PC: variants seen among roughly 807,000 people sequenced by gnomAD.
The protein encoded by PC is pyruvate carboxylase, mitochondrial.
A neutral mutation model predicts 107.8 loss-of-function variants in PC; 46 were observed. The observed-to-expected ratio is 0.43, with a 90% CI of 0.34 to 0.55. The LOEUF (loss-of-function observed/expected upper bound fraction) is 0.55, where lower values mean the gene tolerates loss of function less well. Ranked by LOEUF, PC falls within the 20% of genes least tolerant of loss-of-function variation. The probability of loss-of-function intolerance (pLI) is 0.04; values close to 1 mark genes in which losing one functional copy is unlikely to be tolerated. For missense variants in PC, 1,241 were observed against 1,643.1 expected (o/e 0.76, Z 4.23); for synonymous variants, 662 against 684.7 (o/e 0.97, Z 0.52).
At chr11:66,900,305 G>C (rs1036111522) in intron 3 of PC, among the ~76,000 whole-genome samples, 2 of 148,630 alleles carry the variant, frequency 1.3e-5, no homozygotes, top group African/African-American at 5.0e-5. Flanking sequence ...CTCCCAACTA[G>C]CTGGGACTAC....
chr11:66,897,427 C>T (rs1450886746), intron 3 of PC, among the ~76,000 whole-genome samples: 4 of 152,104 alleles, frequency 2.6e-5, no homozygotes, highest in Admixed American at 6.5e-5. Flanking sequence ...AATAAATTAT[C>T]TGGATGTGGT....
rs746446085 is a variant in PC, at chr11:66,858,679, T to C, written c.1368+5095A>G. On this transcript the variant is annotated intron_variant, in intron 12 of 22. Coordinates refer to ENST00000393960, the MANE Select transcript of PC (RefSeq NM_001040716.2). This position sits in a 1 kb window ranked among gnomAD's most constrained non-coding sequence, Gnocchi z 5.9. ...GCCCTGGGTGACCCCGCGCCTACCA[T>C]GCACTGGGTCGGTCCTGACGACCGG... The C allele has an allele frequency of 2.0e-5, 31 of 1,546,246 alleles. No individual in the cohort carries two copies. In the South Asian group the frequency reaches 3.4e-4, roughly 17 times the overall value.
intron 3 of PC, among the ~76,000 whole-genome samples, chr11:66,936,512 T>C (rs1266416021): frequency 1.3e-5 from 2 of 152,168 alleles, no homozygotes; most frequent in Non-Finnish European, 2.9e-5. Context: ...AAATTCCCCT[T>C]TGTGAGCAAA....
In PC at chr11:66,920,948, G is replaced by T. The variant is rs1365502675; in HGVS notation, c.-1+31482C>A. Among the ~76,000 whole-genome samples the T allele has an allele frequency of 2.0e-5, 3 of 151,756 alleles. No individual in the cohort carries two copies. The East Asian group carries it at 5.8e-4, about 29-fold the overall frequency. ...AGCCACTCAGGAGGCTGAGACAGGA[G>T]AATTGCTTAAACCCAGGAGGCAGAG... On this transcript the variant is annotated intron_variant, in intron 3 of 22. Transcript: ENST00000393960.
intron 3 of PC, among the ~76,000 whole-genome samples, chr11:66,902,464 C>T (rs1947992975): frequency 1.3e-5 from 2 of 152,188 alleles, no homozygotes; most frequent in South Asian, 4.1e-4. Context: ...CATGGAAAGA[C>T]ACCCAGATGA....
chr11:66,907,545 A>C (rs1948202827), intron 3 of PC, among the ~76,000 whole-genome samples: 1 of 151,904 alleles, frequency 6.6e-6, no homozygotes, highest in Admixed American at 6.6e-5. Context: ...AACAACAACA[A>C]ATCTGTTCTC....
chr11:66,890,373 G>A (rs1392507959), intron 3 of PC, among the ~76,000 whole-genome samples: 1 of 149,480 alleles, frequency 6.7e-6, no homozygotes, highest in Non-Finnish European at 1.5e-5. Flanking sequence ...GACTAAGGCA[G>A]TGACAAATAG....
chr11:66,940,596 G>C (rs756769132), intron 3 of PC, among the ~76,000 whole-genome samples: 3 of 151,972 alleles, frequency 2.0e-5, no homozygotes, highest in Non-Finnish European at 2.9e-5. Flanking sequence ...GCTGAGGTGG[G>C]AGGATCACTG....
chr11:66,897,291 C>T (rs908035165), intron 3 of PC, among the ~76,000 whole-genome samples: 8 of 152,082 alleles, frequency 5.3e-5, no homozygotes, highest in Admixed American at 2.0e-4. Flanking sequence ...GTGACTAAGT[C>T]GGGGTGCAGT....
intron 3 of PC, among the ~76,000 whole-genome samples, chr11:66,931,076 C>A (rs1948835604): frequency 6.6e-6 from 1 of 152,002 alleles, no homozygotes; most frequent in African/African-American, 2.4e-5. Flanking sequence ...ATAAATATCA[C>A]AAAATTCAGA....
intron 12 of PC, among the ~76,000 whole-genome samples, chr11:66,856,302 C>T (rs2135845539): frequency 6.6e-6 from 1 of 152,324 alleles, no homozygotes; most frequent in South Asian, 2.1e-4. Context: ...AGCCGCGCCG[C>T]GCAGACCAAT....
At chr11:66,927,698 G>A (rs976688813) in intron 3 of PC, among the ~76,000 whole-genome samples, 1 of 151,316 alleles carries the variant, frequency 6.6e-6, no homozygotes, top group Non-Finnish European at 1.5e-5. Context: ...ACTCCAGCCT[G>A]GGCAACAAGA....
Position 66,871,243 on chromosome 11 carries a change from C to A in PC, c.488-46G>T. On this transcript the variant is annotated intron_variant, in intron 6 of 22. Transcript: ENST00000393960. This position sits in a 1 kb window ranked among gnomAD's most constrained non-coding sequence, Gnocchi z 7.4. ...GGGAGTCTCTGTAACAGGCGGGAAT[C>A]CCTGCCACCCCTCCCTGCTGGACCC... The A allele has an allele frequency of 6.2e-7, 1 of 1,613,546 alleles. No homozygotes were observed. The highest frequency in any genetic ancestry group is 2.2e-5 in the East Asian group (1 of 44,864).
intron 1 of PC, among the ~76,000 whole-genome samples, chr11:66,957,187 A>C (rs1157687892): frequency 6.6e-6 from 1 of 152,176 alleles, no homozygotes; most frequent in East Asian, 1.9e-4. Context: ...GTACGGGAGC[A>C]ATAGGGAGGC....
At chr11:66,922,382 T>C (rs891580621) in intron 3 of PC, among the ~76,000 whole-genome samples, 2 of 151,696 alleles carry the variant, frequency 1.3e-5, no homozygotes, top group East Asian at 3.9e-4. Flanking sequence ...CGGGACCAGC[T>C]TGGCCAACAT....
intron 3 of PC, among the ~76,000 whole-genome samples, chr11:66,915,645 T>G (rs1009947756): frequency 6.6e-6 from 1 of 152,016 alleles, no homozygotes; most frequent in Non-Finnish European, 1.5e-5. Context: ...CATGGAGGGG[T>G]GTACCAGGGC....
rs1022632600 is a variant in PC, at chr11:66,908,734, G to C, written c.1-36575C>G. On this transcript the variant is annotated intron_variant, in intron 3 of 22. Transcript: ENST00000393960. ...TGTGACAGAAGCTGGCATCTGAAGAGAGCGGGTAGGCTGAGCCTGCTACGG... is the reference window on the plus strand; with the variant it reads ...TGTGACAGAAGCTGGCATCTGAAGACAGCGGGTAGGCTGAGCCTGCTACGG... Among the ~76,000 whole-genome samples the C allele has an allele frequency of 4.6e-5, 7 of 152,216 alleles. No homozygotes were observed. The East Asian group carries it at 9.6e-4, about 21-fold the overall frequency.
At chr11:66,957,201 T>C (rs1358417352) in intron 1 of PC, among the ~76,000 whole-genome samples, 1 of 152,212 alleles carries the variant, frequency 6.6e-6, no homozygotes, top group Non-Finnish European at 1.5e-5. Flanking sequence ...GGGAGGCAGA[T>C]GGCAGGCACT....
At chr11:66,859,721 A>C (rs1339515590) in intron 12 of PC, 1 of 1,611,400 alleles carries the variant, frequency 6.2e-7, no homozygotes. Context: ...TGGCCTTGTC[A>C]CCGGCCGCTG....
Sources: allele counts gnomAD v4.1 joint callset (sites outside exome capture counted in the v4.1 genomes callset), GRCh38; gene constraint gnomAD v4.1.1; non-coding constraint Gnocchi (gnomAD v3.1); transcripts MANE v1.5; gene names NCBI Gene and HGNC (gene_info 2026-07-23, HGNC 2026-07-21).